KCTD1: variants seen among roughly 807,000 people sequenced by gnomAD.
KCTD1 encodes the protein BTB/POZ domain-containing protein KCTD1.
Under a neutral mutation model 66.0 loss-of-function variants are expected in KCTD1, and 24 were observed. That is an observed-to-expected ratio of 0.36 (90% confidence interval 0.26 to 0.51). The LOEUF is 0.51. Among genes scored for constraint, KCTD1 ranks in the 20% least tolerant of loss-of-function variants. KCTD1 has a pLI of 0.95. For missense variants in KCTD1, 943 were observed against 1,205.2 expected, an observed-to-expected ratio of 0.78 and a Z score of 3.22; for synonymous variants, 511 against 517.2, an observed-to-expected ratio of 0.99 and a Z score of 0.16.
At chr18:26,600,791 G>GGT (rs1986876820) in intron 1 of KCTD1, among the ~76,000 whole-genome samples, 1 of 151,846 alleles carries the variant, frequency 6.6e-6, no homozygotes, top group Non-Finnish European at 1.5e-5. Context: ...CACGAGTCAA[G>GGT]TGTCTCACAA....
Position 26,455,645 on chromosome 18 carries a change from A to G in KCTD1, c.*98T>C. The G allele has an allele frequency of 6.7e-7, 1 of 1,493,736 alleles. No individual in the cohort carries two copies. The highest frequency in any genetic ancestry group is 9.2e-7 in the Non-Finnish European group (1 of 1,083,874). The allele number at this position is 1,493,736 out of a possible 1,614,324, so 92.5% of individuals were successfully genotyped here. On this transcript the variant is annotated 3_prime_UTR_variant, in exon 5 of 5. Coordinates refer to ENST00000580059, the MANE Select transcript of KCTD1 (RefSeq NM_001142730.3). ...GTGTCTTTTATTCGATTTTACGTCC[A>G]GGACTTGGTTTGCTGTCCCAACTGC...
At chr18:26,494,250 A>T (rs1389496832) in intron 2 of KCTD1, among the ~76,000 whole-genome samples, 1 of 152,194 alleles carries the variant, frequency 6.6e-6, no homozygotes, top group Admixed American at 6.5e-5. Context: ...GCATGCCTAC[A>T]GTCCCAGCTA....
intron 2 of KCTD1, among the ~76,000 whole-genome samples, chr18:26,481,587 G>A (rs922967966): frequency 2.6e-5 from 4 of 152,204 alleles, no homozygotes; most frequent in African/African-American, 7.2e-5. Flanking sequence ...AGGCTATGTT[G>A]TCAGGGACAG....
chr18:26,472,863 C>T lies in KCTD1; in HGVS notation c.2133+3652G>A, dbSNP rs546418452. 1.4e-4 allele frequency among the ~76,000 whole-genome samples: 21 copies of T among 152,326 alleles called. No homozygotes were observed. In the South Asian group the frequency reaches 4.1e-3, roughly 30 times the overall value. On this transcript the variant is annotated intron_variant, in intron 3 of 4. Coordinates refer to ENST00000580059, the MANE Select transcript of KCTD1 (RefSeq NM_001142730.3). ...TTTCACCTGCAGCTGCTGTGGGAAG[C>T]TGGCCTGCTCTCTTCAACTATGCCA...
intron 1 of KCTD1, among the ~76,000 whole-genome samples, chr18:26,558,346 G>A (rs1985757924): frequency 6.6e-6 from 1 of 152,196 alleles, no homozygotes; most frequent in Admixed American, 6.5e-5. Context: ...ATGCTTGTAT[G>A]CTGTTGGTGG....
Position 26,654,388 on chromosome 18 carries a change from G to C in KCTD1, c.9+2972C>G, listed in dbSNP as rs528953004. Among the ~76,000 whole-genome samples the C allele has an allele frequency of 1.0e-3, 159 of 152,134 alleles. 1 individual carries two copies. The highest frequency in any genetic ancestry group is 3.8e-3 in the African/African-American group (157 of 41,508). ...ATAATTTGTACAATGATTACTGAAG[G>C]CTTCCCCCAAAATAAATATCTCACA... On this transcript the variant is annotated intron_variant, in intron 1 of 4. Coordinates refer to the KCTD1 transcript ENST00000580191.
intron 3 of KCTD1, among the ~76,000 whole-genome samples, chr18:26,469,595 C>T (rs1227337610): frequency 6.6e-6 from 1 of 152,200 alleles, no homozygotes; most frequent in African/African-American, 2.4e-5. Flanking sequence ...CTGCAGCCTG[C>T]ATCCTTTTCA....
chr18:26,565,441 A>G (rs537449135), intron 1 of KCTD1, among the ~76,000 whole-genome samples: 3 of 152,342 alleles, frequency 2.0e-5, no homozygotes, highest in Admixed American at 2.0e-4. Context: ...AAGCCTTCCC[A>G]GAGTATACTC....
chr18:26,574,414 G>C (rs1598948047), intron 1 of KCTD1, among the ~76,000 whole-genome samples: 1 of 152,138 alleles, frequency 6.6e-6, no homozygotes, highest in Admixed American at 6.5e-5. Context: ...ACTAAAAATG[G>C]TTCCCAGTTA....
At chr18:26,593,715 T>G (rs1290685878) in intron 1 of KCTD1, among the ~76,000 whole-genome samples, 78 of 62,808 alleles carry the variant, frequency 1.2e-3, no homozygotes, top group Admixed American at 1.7e-3. Context: ...AGGAGGAAGA[T>G]AAGGAGGAGG....
rs905983191 is a variant in KCTD1, at chr18:26,459,935, A to G, written c.2134-10T>C. The G allele has an allele frequency of 1.1e-5, 17 of 1,553,012 alleles. No homozygotes were observed. The East Asian group carries it at 2.0e-4, about 19-fold the overall frequency. ...ATAACAAAGTGTAGTCCTGGAAAAA[A>G]AAAAGGTATTTCACAGTGCAAACTG... is the stretch of plus-strand genomic sequence containing the variant. On this transcript the variant is annotated splice_polypyrimidine_tract_variant and intron_variant, in intron 3 of 4. Transcript: ENST00000580059.
intron 1 of KCTD1, among the ~76,000 whole-genome samples, chr18:26,603,027 G>T (rs1309110629): frequency 6.6e-6 from 1 of 152,166 alleles, no homozygotes; most frequent in East Asian, 1.9e-4. Flanking sequence ...ATGGGGAAGA[G>T]AGGCCTATTC....
chr18:26,530,643 C>G (rs1246631194), intron 1 of KCTD1, among the ~76,000 whole-genome samples: 6 of 152,190 alleles, frequency 3.9e-5, no homozygotes. Flanking sequence ...GCTAAGAAAT[C>G]AGCAAAGGAG....
rs756404097 is a variant in KCTD1 at position 26,547,458 on chromosome 18, G to A, written c.1079C>T (p.Ser360Leu). The change falls in exon 1 of 5, where the codon TCG becomes TTG. Residue 360 changes from serine (S) to leucine (L), a missense_variant. Coordinates refer to ENST00000580059, the MANE Select transcript of KCTD1 (RefSeq NM_001142730.3). ...SLGPYHKSRS[S>L]SWSKKRAESS... Reference sequence around the variant, plus strand: ...CTCGGCGCGCTTCTTGCTCCACGACGACGAGCGCGACTTGTGGTAGGGCCC... The same window carrying A: ...CTCGGCGCGCTTCTTGCTCCACGACAACGAGCGCGACTTGTGGTAGGGCCC... 9.0e-5 allele frequency: 140 copies of A among 1,551,350 alleles called. No homozygotes were observed. Among genetic ancestry groups the A allele is most frequent in the Non-Finnish European group, 1.2e-4 (135 of 1,146,948 alleles).
chr18:26,549,135 G>A, upstream of KCTD1: 1 of 985,088 alleles, frequency 1.0e-6, no homozygotes, highest in African/African-American at 1.7e-5. Flanking sequence ...GAGCAGGGTG[G>A]AGGAGGCACG....
chr18:26,526,874 T>G (rs535222585), intron 1 of KCTD1, among the ~76,000 whole-genome samples: 1 of 151,966 alleles, frequency 6.6e-6, no homozygotes, highest in East Asian at 1.9e-4. Context: ...TTGGGTTTTT[T>G]TTTTTTTTTT....
intron 1 of KCTD1, among the ~76,000 whole-genome samples, chr18:26,582,940 T>C (rs1986388411): frequency 6.6e-6 from 1 of 151,774 alleles, no homozygotes; most frequent in Non-Finnish European, 1.5e-5. Flanking sequence ...AAATATGAAC[T>C]TATGAATTCA....
At chr18:26,581,057 G>A (rs958828692) in intron 1 of KCTD1, 1 of 151,914 alleles carries the variant, frequency 6.6e-6, no homozygotes, top group Non-Finnish European at 1.5e-5. Flanking sequence ...TAAAGAACTG[G>A]GTATAACATT....
intron 1 of KCTD1, among the ~76,000 whole-genome samples, chr18:26,598,716 T>G (rs1397017546): frequency 1.3e-5 from 2 of 152,216 alleles, no homozygotes; most frequent in Admixed American, 1.3e-4. Context: ...TATCTCATTG[T>G]AGTTTTGATT....
Sources: allele counts gnomAD v4.1 joint callset (sites outside exome capture counted in the v4.1 genomes callset), GRCh38; gene constraint gnomAD v4.1.1; transcripts MANE v1.5; gene names NCBI Gene and HGNC (gene_info 2026-07-23, HGNC 2026-07-21).